Variants in CACNA2D1 observed in about 807,000 individuals in gnomAD.
CACNA2D1 encodes voltage-dependent calcium channel subunit alpha-2/delta-1.
In CACNA2D1, 53 loss-of-function variants were observed where a neutral mutation model predicts 171.5. The ratio of observed to expected loss-of-function variants is 0.31; its 90% CI spans 0.25 to 0.39. The LOEUF is 0.39. Ranked by LOEUF, CACNA2D1 falls within the 10% of genes least tolerant of loss-of-function variation. The pLI is 1.00. For missense variants in CACNA2D1, 903 were observed against 1,299.8 expected (o/e 0.69, Z 4.69); for synonymous variants, 442 against 443.1 (o/e 1.00, Z 0.03).
chr7:82,261,907 T>C (rs959360688), intron 3 of CACNA2D1, among the ~76,000 whole-genome samples: 2 of 152,252 alleles, frequency 1.3e-5, no homozygotes, highest in African/African-American at 4.8e-5. Flanking sequence ...AAGCATGTGA[T>C]GTTTCCATAC....
intron 10 of CACNA2D1, among the ~76,000 whole-genome samples, chr7:82,043,833 G>A (rs183344091): frequency 5.3e-5 from 8 of 152,218 alleles, no homozygotes; most frequent in East Asian, 3.9e-4. Context: ...AGAAAGTTAC[G>A]GGAAGTGCCC....
intron 3 of CACNA2D1, among the ~76,000 whole-genome samples, chr7:82,271,009 C>T (rs1808552087): frequency 6.6e-6 from 1 of 152,068 alleles, no homozygotes; most frequent in Non-Finnish European, 1.5e-5. Flanking sequence ...TCATAATTCC[C>T]ATGAGACTCT....
chr7:82,227,658 C>T (rs190723240), intron 3 of CACNA2D1, among the ~76,000 whole-genome samples: 7 of 152,282 alleles, frequency 4.6e-5, no homozygotes, highest in Middle Eastern at 3.4e-3. Context: ...CTTGATTAAA[C>T]TGACTTCTGC....
chr7:81,962,405 G>A (rs1321160317), intron 35 of CACNA2D1, 35 bp downstream of exon 35: 2 of 1,526,518 alleles, frequency 1.3e-6, no homozygotes, highest in South Asian at 1.2e-5. Flanking sequence ...AATTTTTATT[G>A]TTATGGCAAT....
intron 24 of CACNA2D1, among the ~76,000 whole-genome samples, chr7:81,976,956 G>T (rs1297287368): frequency 6.6e-6 from 1 of 152,194 alleles, no homozygotes; most frequent in Non-Finnish European, 1.5e-5. Context: ...TTTGGGAAGA[G>T]ACAATGGGGT....
intron 3 of CACNA2D1, among the ~76,000 whole-genome samples, chr7:82,200,645 C>T (rs1799317408): frequency 6.6e-6 from 1 of 151,992 alleles, no homozygotes. Flanking sequence ...TTTGATCCTT[C>T]AATATTTTAC....
At chr7:82,172,731 C>T (rs1796164205) in intron 3 of CACNA2D1, among the ~76,000 whole-genome samples, 1 of 148,256 alleles carries the variant, frequency 6.7e-6, no homozygotes. Flanking sequence ...AGCCATCCTG[C>T]CCGGCCAAAG....
intron 1 of CACNA2D1, among the ~76,000 whole-genome samples, chr7:82,414,936 A>T (rs1418160610): frequency 1.3e-5 from 2 of 152,222 alleles, no homozygotes; most frequent in African/African-American, 4.8e-5. Flanking sequence ...TTAACTTAAA[A>T]TGTCCCAAAA....
At chr7:82,153,297 TA>T (rs557147520) in intron 4 of CACNA2D1, among the ~76,000 whole-genome samples, 2 of 151,828 alleles carry the variant, frequency 1.3e-5, no homozygotes, top group African/African-American at 4.8e-5. Flanking sequence ...AAAACTGAGA[TA>T]AAAAAATCTG....
intron 11 of CACNA2D1, among the ~76,000 whole-genome samples, chr7:82,035,828 G>A (rs1292702297): frequency 6.6e-6 from 1 of 152,128 alleles, no homozygotes. Flanking sequence ...CTAGAGGAAG[G>A]ATACATCTTA....
At chr7:82,298,646 G>A (rs1316880968) in intron 3 of CACNA2D1, among the ~76,000 whole-genome samples, 1 of 151,618 alleles carries the variant, frequency 6.6e-6, no homozygotes, top group Non-Finnish European at 1.5e-5. Flanking sequence ...CTTTTCACAG[G>A]CACACTTCAG....
In CACNA2D1 at chr7:82,312,603, G is replaced by C. The variant is rs573680196; in HGVS notation, c.294+22532C>G. ...ACGATCTCAGCTAACTGCAACCTCT[G>C]CCTCCCGGGTTCAAGCAATCCTCCT... On this transcript the variant is annotated intron_variant, in intron 3 of 38. Transcript: ENST00000356860. 2.0e-5 allele frequency among the ~76,000 whole-genome samples: 3 copies of C among 147,794 alleles called. No homozygotes were observed. In the South Asian group the frequency reaches 6.4e-4, roughly 32 times the overall value.
chr7:81,959,804 T>C lies in CACNA2D1; in HGVS notation c.2992A>G (p.Asn998Asp), dbSNP rs1284820554. The C allele has an allele frequency of 6.2e-7, 1 of 1,612,476 alleles. No individual in the cohort carries two copies. The highest frequency in any genetic ancestry group is 8.5e-7 in the Non-Finnish European group (1 of 1,179,016). Residue 998 changes from asparagine to aspartate, a missense_variant, in exon 37 of 39, where the codon AAC (asparagine) becomes GAC (aspartate). Coordinates refer to ENST00000356860, the MANE Select transcript of CACNA2D1 (RefSeq NM_000722.4). ...SRIFHGEKLM[N>D]TNLIFIMVES... ...ACCATTATGAATATTAAGTTGGTGT[T>C]CATAAGCTTTTCTCCATGAAAGATT...
At chr7:82,027,626 A>G (rs1033165377) in intron 12 of CACNA2D1, 1 of 151,678 alleles carries the variant, frequency 6.6e-6, no homozygotes, top group African/African-American at 2.4e-5. Context: ...ATCTCATTTT[A>G]TCATGGTTCT....
At chr7:82,399,614 T>C (rs1399878369) in intron 1 of CACNA2D1, among the ~76,000 whole-genome samples, 43 of 152,200 alleles carry the variant, frequency 2.8e-4, no homozygotes, top group Admixed American at 2.8e-3. Flanking sequence ...GAATCTTGTA[T>C]TTACAGTTTT....
At chr7:82,376,953 T>C (rs1046999505) in intron 1 of CACNA2D1, among the ~76,000 whole-genome samples, 11 of 152,256 alleles carry the variant, frequency 7.2e-5, no homozygotes, top group African/African-American at 2.4e-4. Flanking sequence ...CATGCTGAGA[T>C]AATTATATAC....
At chr7:82,441,567 G>A (rs1830504515) in intron 1 of CACNA2D1, among the ~76,000 whole-genome samples, 1 of 152,010 alleles carries the variant, frequency 6.6e-6, no homozygotes, top group Non-Finnish European at 1.5e-5. Flanking sequence ...ATAATTTTAG[G>A]AAAGCATTAT....
intron 7 of CACNA2D1, among the ~76,000 whole-genome samples, chr7:82,080,525 T>C (rs1296993810): frequency 6.6e-6 from 1 of 152,110 alleles, no homozygotes; most frequent in Non-Finnish European, 1.5e-5. Context: ...CAAAAAGAAA[T>C]ACAAGACAAT....
intron 1 of CACNA2D1, among the ~76,000 whole-genome samples, chr7:82,360,133 T>C (rs1585647391): frequency 6.6e-6 from 1 of 152,330 alleles, no homozygotes; most frequent in East Asian, 1.9e-4. Flanking sequence ...TTGGTTTTCA[T>C]TGTTAAACCA....
Sources: gnomAD v4.1 joint callset for allele counts (sites outside exome capture counted in the v4.1 genomes callset) on GRCh38, gnomAD v4.1.1 for gene constraint, MANE v1.5 for transcripts, NCBI Gene and HGNC (gene_info 2026-07-23, HGNC 2026-07-21) for gene names.